The following AKAP11 variants were observed in gnomAD, a reference collection of about 807,000 sequenced individuals.
The protein encoded by AKAP11 is A-kinase anchoring protein 11.
Under a neutral mutation model 146.1 loss-of-function variants are expected in AKAP11, and 36 were observed. That is an observed-to-expected ratio of 0.25 (90% confidence interval 0.19 to 0.33). The LOEUF is 0.33. AKAP11 is among the 10% of genes least tolerant of loss of function. The pLI is 1.00. For synonymous variants in AKAP11, 780 were observed against 786.5 expected, an observed-to-expected ratio of 0.99 and a Z score of 0.14; for missense variants, 2,201 against 2,197.0, an observed-to-expected ratio of 1.00 and a Z score of -0.04.
chr13:42,273,106 G>A (rs1282411698), intron 1 of AKAP11, among the ~76,000 whole-genome samples: 1 of 152,204 alleles, frequency 6.6e-6, no homozygotes, highest in African/African-American at 2.4e-5. Context: ...ACAAACTGGA[G>A]TTAATTCCTG....
chr13:42,307,505 G>C (rs1451652137), intron 8 of AKAP11, among the ~76,000 whole-genome samples: 1 of 152,176 alleles, frequency 6.6e-6, no homozygotes, highest in African/African-American at 2.4e-5. Flanking sequence ...TGGATAGGTA[G>C]CAGGGGAAAC....
In AKAP11 at chr13:42,313,078, G is replaced by C; in HGVS notation, c.5305G>C (p.Gly1769Arg). 6.2e-7 allele frequency: 1 copy of C among 1,613,418 alleles called. No homozygotes were observed. The highest frequency in any genetic ancestry group is 8.5e-7 in the Non-Finnish European group (1 of 1,179,768). The stretch of plus-strand genomic sequence containing the variant: ...TAACAGCAGTAGCTGGAGCAGTCTT[G>C]GTTTAGAAGGAGATTTGTATGAGGA... ...NGNSSSWSSL[G>R]LEGDLYEDNL... Residue 1769 changes from glycine (G) to arginine (R), a missense_variant, in exon 10 of 13, where the codon GGT becomes CGT. Around this residue, in one of 3 missense-constraint regions of AKAP11, gnomAD observed 1,867 missense variants for 1,833.5 expected, o/e 1.02. Transcript: ENST00000025301.
chr13:42,298,977 GGTTTTCA>G (rs1414631030), intron 7 of AKAP11, among the ~76,000 whole-genome samples, 180 bp downstream of exon 7: 2 of 151,918 alleles, frequency 1.3e-5, no homozygotes, highest in African/African-American at 2.4e-5. Flanking sequence ...ATTGTAATCT[GGTTTTCA>G]GTTTTGCTTA....
intron 8 of AKAP11, among the ~76,000 whole-genome samples, chr13:42,304,359 A>G (rs965791942): frequency 1.3e-5 from 2 of 152,176 alleles, no homozygotes; most frequent in African/African-American, 4.8e-5. Flanking sequence ...TCCATACTAC[A>G]TGTGCTGTTC....
At chr13:42,287,025 A>G (rs971060652) in intron 3 of AKAP11, among the ~76,000 whole-genome samples, 2 of 152,102 alleles carry the variant, frequency 1.3e-5, no homozygotes, top group African/African-American at 2.4e-5. Flanking sequence ...CCATTGACCA[A>G]TCCTTACACA....
At position 42,297,145 on chromosome 13, in the gene AKAP11, A is replaced by G. The variant is rs114345660; in HGVS notation, c.314A>G (p.Asn105Ser). 1,621 of 1,570,850 alleles carry G rather than the reference A, an allele frequency of 1.0e-3. 14 individuals are homozygous for G. In the African/African-American group the frequency reaches 0.019, roughly 18 times the overall value. The change falls in exon 6 of 13, where the codon AAT becomes AGT. Residue 105 changes from asparagine (N) to serine (S), a missense_variant. By Grantham distance (46) the Asn-to-Ser change is conservative. Transcript: ENST00000025301. ...ENEIICMKNI[N>S]KPLDISSDPL... ...GAAATTATTTGTATGAAGAATATAAATAAACCATTAGATATAAGCAGTGAT... is the reference window on the plus strand; with the variant it reads ...GAAATTATTTGTATGAAGAATATAAGTAAACCATTAGATATAAGCAGTGAT...
At position 42,299,825 on chromosome 13, in the gene AKAP11, A is replaced by T. The variant is rs776348560; in HGVS notation, c.1079A>T (p.Asp360Val). The T allele has an allele frequency of 6.2e-7, 1 of 1,613,802 alleles. No homozygotes were observed. The highest frequency in any genetic ancestry group is 1.1e-5 in the South Asian group (1 of 91,060). ...GTAAGTGAATTTTTTGATAGTTTTGATCAGTTTGATGAACTAGAACAAACT... is the reference window on the plus strand; with the variant it reads ...GTAAGTGAATTTTTTGATAGTTTTGTTCAGTTTGATGAACTAGAACAAACT... ...SEVSEFFDSF[D>V]QFDELEQTLE... Residue 360 changes from aspartate to valine, a missense_variant, in exon 8 of 13, where the codon GAT (aspartate) becomes GTT (valine). Transcript: ENST00000025301.
At chr13:42,296,481 CTT>C (rs1959522922) in intron 5 of AKAP11, among the ~76,000 whole-genome samples, 1 of 152,034 alleles carries the variant, frequency 6.6e-6, no homozygotes, top group Non-Finnish European at 1.5e-5. Context: ...GGGTCAAAGA[CTT>C]TAATAATTCT....
chr13:42,272,394 A>C (rs1309211734), intron 1 of AKAP11, among the ~76,000 whole-genome samples, 166 bp downstream of exon 1: 1 of 152,042 alleles, frequency 6.6e-6, no homozygotes, highest in Non-Finnish European at 1.5e-5. Flanking sequence ...GCGCCTTCGC[A>C]TGGCGGAGGG....
rs1305943956 is a variant in AKAP11 at position 42,317,550 on chromosome 13, ACTG to A, written c.5430_5432del (p.Leu1811del). 6.2e-7 allele frequency: 1 copy of A among 1,613,676 alleles called. No individual in the cohort carries two copies. Among genetic ancestry groups the A allele is most frequent in the African/African-American group, 1.3e-5 (1 of 74,908 alleles). ...TAGGTTTGGGGCAAGATGGAAAGACACTGCTAATTACGAATATTGACATGGAGC... is the reference window on the plus strand; with the variant it reads ...TAGGTTTGGGGCAAGATGGAAAGACACTAATTACGAATATTGACATGGAGC... On this transcript the variant is annotated inframe_deletion, in exon 12 of 13. Transcript: ENST00000025301.
Position 42,308,107 on chromosome 13 carries a change from A to G in AKAP11, c.5118-347A>G, listed in dbSNP as rs532865771. On this transcript the variant is annotated intron_variant, in intron 8 of 12. Coordinates refer to ENST00000025301, the MANE Select transcript of AKAP11 (RefSeq NM_016248.4). ...TTAACATAAATAAAAGTACTGTTTT[A>G]CAAAGCAGATGATAACTTAGGAACT... Among the ~76,000 whole-genome samples the G allele has an allele frequency of 3.9e-5, 6 of 152,346 alleles. No homozygotes were observed. In the South Asian group the frequency reaches 1.2e-3, roughly 32 times the overall value.
chr13:42,295,190 A>G (rs1327321368), intron 4 of AKAP11, among the ~76,000 whole-genome samples: 1 of 152,194 alleles, frequency 6.6e-6, no homozygotes, highest in African/African-American at 2.4e-5. Context: ...TCCAAGGAAG[A>G]GAGATCCAGA....
Position 42,298,597 on chromosome 13 carries a change from A to AT in AKAP11, c.420dup (p.Ile141TyrfsTer3). The AT allele has an allele frequency of 6.2e-7, 1 of 1,612,700 alleles. No individual in the cohort carries two copies. Among genetic ancestry groups the AT allele is most frequent in the Non-Finnish European group, 8.5e-7 (1 of 1,179,364 alleles). On this transcript the variant is annotated frameshift_variant, in exon 7 of 13. Transcript: ENST00000025301. LOFTEE classifies it high-confidence loss of function. ...CCTACATCACCAAGACTTAGGATTG[A>AT]TTTTATCTTTAGTCTCCTAAGTAAA...
rs2138746322 is a variant in AKAP11, at chr13:42,321,202, G to A, written c.*1974G>A. 1 of 152,444 alleles carries A rather than the reference G, an allele frequency of 6.6e-6. No individual in the cohort carries two copies. The highest frequency in any genetic ancestry group is 2.1e-4 in the South Asian group (1 of 4,826). The allele number at this position is 152,444 out of a possible 1,614,324, so 9.4% of individuals were successfully genotyped here. ...ATTGTGTTTAGTAACTTGAGTGTAT[G>A]CACAAGTTTGATCAACAGCAAAATA... is the stretch of plus-strand genomic sequence containing the variant. On this transcript the variant is annotated 3_prime_UTR_variant, in exon 13 of 13. Coordinates refer to ENST00000025301, the MANE Select transcript of AKAP11 (RefSeq NM_016248.4).
At chr13:42,271,937 G>T (rs1378537613), upstream of AKAP11, among the ~76,000 whole-genome samples, 1 of 151,520 alleles carries the variant, frequency 6.6e-6, no homozygotes, top group Non-Finnish European at 1.5e-5. Context: ...CTTTTTAAAC[G>T]CCCACCCACT....
Position 42,302,903 on chromosome 13 carries a change from C to A in AKAP11, c.4157C>A (p.Thr1386Lys). 7 of 1,613,884 alleles carry A rather than the reference C, an allele frequency of 4.3e-6. No homozygotes were observed. Among genetic ancestry groups the A allele is most frequent in the Non-Finnish European group, 5.9e-6 (7 of 1,179,968 alleles). The change falls in exon 8 of 13, where the codon ACA becomes AAA. Residue 1386 changes from threonine (T) to lysine (K), a missense_variant. By Grantham distance (78) the Thr-to-Lys change is moderately conservative. Around this residue, in one of 3 missense-constraint regions of AKAP11, gnomAD observed 1,867 missense variants for 1,833.5 expected, o/e 1.02. Coordinates refer to ENST00000025301, the MANE Select transcript of AKAP11 (RefSeq NM_016248.4). Reference sequence around the variant, plus strand: ...TCAGGATTACAGGAAGCAGCTAAGACAACCAAAGTGCAGTGCAACTCAAGA... The same window carrying A: ...TCAGGATTACAGGAAGCAGCTAAGAAAACCAAAGTGCAGTGCAACTCAAGA... ...VKSGLQEAAK[T>K]TKVQCNSRMF...
At chr13:42,309,881 TA>T (rs895494227) in intron 9 of AKAP11, among the ~76,000 whole-genome samples, 2 of 152,230 alleles carry the variant, frequency 1.3e-5, no homozygotes, top group African/African-American at 4.8e-5. Flanking sequence ...GTAGAGGCTT[TA>T]AGCATTAAGA....
intron 1 of AKAP11, among the ~76,000 whole-genome samples, chr13:42,281,854 A>C (rs1011142008): frequency 4.6e-5 from 7 of 152,198 alleles, no homozygotes; most frequent in African/African-American, 1.7e-4. Context: ...TATAAAATTT[A>C]AAAGTCCCAC....
In AKAP11 at chr13:42,319,350, A is replaced by G. The variant is rs1960979841; in HGVS notation, c.*122A>G. The G allele has an allele frequency of 7.7e-7, 1 of 1,297,882 alleles. No homozygotes were observed. Among genetic ancestry groups the G allele is most frequent in the Admixed American group, 2.7e-5 (1 of 37,368 alleles). The allele number at this position is 1,297,882 out of a possible 1,614,324, so 80.4% of individuals were successfully genotyped here. On this transcript the variant is annotated 3_prime_UTR_variant, in exon 13 of 13. Coordinates refer to ENST00000025301, the MANE Select transcript of AKAP11 (RefSeq NM_016248.4). ...TCGTAAGTCAGTTGGGAGGCAAGTA[A>G]ATATAGCTTTCTGAGCGCTTTGTGT...
Sources: gnomAD v4.1 joint callset for allele counts (sites outside exome capture counted in the v4.1 genomes callset) on GRCh38, gnomAD v4.1.1 for gene constraint, gnomAD v4.1.1 regional missense constraint, MANE v1.5 for transcripts, NCBI Gene and HGNC (gene_info 2026-07-23, HGNC 2026-07-21) for gene names.